The following RETREG1 variants were observed in gnomAD, a reference collection of about 807,000 sequenced individuals.
The protein encoded by RETREG1 is reticulophagy regulator 1, also known as family with sequence similarity 134 member B.
RETREG1 carries 44 observed loss-of-function variants against 54.8 expected under a neutral mutation model. That is an observed-to-expected ratio of 0.80 (90% CI 0.63 to 1.03). RETREG1 has a LOEUF of 1.03. RETREG1 is among the 50% of genes least tolerant of loss of function. The probability of loss-of-function intolerance (pLI) is 0.00; values close to 1 mark genes in which losing one functional copy is unlikely to be tolerated. For synonymous variants in RETREG1, 217 were observed against 238.5 expected (o/e 0.91, Z 0.83); for missense variants, 554 against 605.1 (o/e 0.92, Z 0.89).
intron 3 of RETREG1, among the ~76,000 whole-genome samples, chr5:16,520,172 G>A (rs1740485441): frequency 6.6e-6 from 1 of 152,208 alleles, no homozygotes; most frequent in Non-Finnish European, 1.5e-5. Flanking sequence ...TCATGATGGG[G>A]AGGGGGTGAG....
intron 3 of RETREG1, among the ~76,000 whole-genome samples, chr5:16,501,005 C>G (rs891911718): frequency 1.3e-5 from 2 of 152,054 alleles, no homozygotes; most frequent in Non-Finnish European, 2.9e-5. Context: ...GTCTGGCAAT[C>G]AGGATTTTCT....
At chr5:16,572,643 C>T (rs1282449680) in intron 1 of RETREG1, among the ~76,000 whole-genome samples, 3 of 152,208 alleles carry the variant, frequency 2.0e-5, no homozygotes, top group Non-Finnish European at 2.9e-5. Context: ...CCTCCAATTT[C>T]GGGCAGAGGA....
intron 3 of RETREG1, among the ~76,000 whole-genome samples, chr5:16,494,087 TC>T (rs1184431527): frequency 6.6e-6 from 1 of 152,192 alleles, no homozygotes; most frequent in African/African-American, 2.4e-5. Context: ...ACATAAATAA[TC>T]AGAGGCTTTT....
intron 3 of RETREG1, among the ~76,000 whole-genome samples, chr5:16,540,415 G>A (rs780137034): frequency 2.6e-5 from 4 of 152,152 alleles, no homozygotes; most frequent in Non-Finnish European, 5.9e-5. Flanking sequence ...ACAGGGCAGG[G>A]CTAAGTAACG....
intron 1 of RETREG1, 142 bp from the exon 2 acceptor site, chr5:16,572,244 G>A (rs555577263): frequency 5.3e-5 from 34 of 641,278 alleles, no homozygotes; most frequent in African/African-American, 3.6e-4. Flanking sequence ...ACAGAGTCTC[G>A]CTCTGTTGCC....
At chr5:16,504,503 T>C (rs1159407427) in intron 3 of RETREG1, among the ~76,000 whole-genome samples, 1 of 152,194 alleles carries the variant, frequency 6.6e-6, no homozygotes, top group African/African-American at 2.4e-5. Context: ...GCTGCCTACC[T>C]GGCCCAGTGA....
intron 3 of RETREG1, among the ~76,000 whole-genome samples, chr5:16,505,128 C>G (rs1030974227): frequency 6.6e-6 from 1 of 152,168 alleles, no homozygotes; most frequent in African/African-American, 2.4e-5. Context: ...TGTACGGCAG[C>G]CCTACCGCTC....
intron 3 of RETREG1, among the ~76,000 whole-genome samples, chr5:16,544,331 A>G (rs1489937555): frequency 1.3e-5 from 2 of 152,196 alleles, no homozygotes; most frequent in Non-Finnish European, 2.9e-5. Context: ...ATTTTATCAG[A>G]TATATGATTC....
intron 3 of RETREG1, among the ~76,000 whole-genome samples, chr5:16,496,214 G>A (rs1739451218): frequency 6.6e-6 from 1 of 152,082 alleles, no homozygotes; most frequent in South Asian, 2.1e-4. Flanking sequence ...TACAATATAG[G>A]TTTTCCTATC....
rs1052060807 is a variant in RETREG1, at chr5:16,561,552, T to C, written c.458+4211A>G. Among the ~76,000 whole-genome samples the C allele has an allele frequency of 6.6e-6, 1 of 152,000 alleles. No individual in the cohort carries two copies. The highest frequency in any genetic ancestry group is 1.5e-5 in the Non-Finnish European group (1 of 67,996). ...AAAATAAAATACAAATACAAATAAA[T>C]GGTATTTCCAGTAGCCTGCCTTCTC... On this transcript the variant is annotated intron_variant, in intron 3 of 8. Transcript: ENST00000306320. This position sits in a 1 kb window ranked among gnomAD's most constrained non-coding sequence, Gnocchi z 4.2.
At chr5:16,501,496 G>A (rs1210636364) in intron 3 of RETREG1, among the ~76,000 whole-genome samples, 2 of 152,160 alleles carry the variant, frequency 1.3e-5, no homozygotes. Context: ...CATTCTGTTA[G>A]GGAGAGAGTT....
Position 16,549,276 on chromosome 5 carries a change from G to A in RETREG1, c.458+16487C>T, listed in dbSNP as rs532569494. Among the ~76,000 whole-genome samples the A allele has an allele frequency of 2.3e-4, 35 of 152,240 alleles. No homozygotes were observed. The South Asian group carries it at 6.2e-3, about 27-fold the overall frequency. On this transcript the variant is annotated intron_variant, in intron 3 of 8. Coordinates refer to ENST00000306320, the MANE Select transcript of RETREG1 (RefSeq NM_001034850.3). ...TCATGCCTTCATCAAAGAACAAGAC[G>A]AATTTATAAGCAATGTGTAGCTAAC...
rs1258849354 is a variant in RETREG1, at chr5:16,585,485, C to T, written c.321-13383G>A. 6.6e-6 allele frequency among the ~76,000 whole-genome samples: 1 copy of T among 152,122 alleles called. No individual in the cohort carries two copies. The highest frequency in any genetic ancestry group is 1.5e-5 in the Non-Finnish European group (1 of 68,022). ...GGCAGTGCAATGTGCTCCTTAGCTC[C>T]ACCTAGTGTATAAATTGAATACCTG... On this transcript the variant is annotated intron_variant, in intron 1 of 8. Coordinates refer to ENST00000306320, the MANE Select transcript of RETREG1 (RefSeq NM_001034850.3). This position sits in a 1 kb window ranked among gnomAD's most constrained non-coding sequence, Gnocchi z 4.5.
intron 3 of RETREG1, 57 bp downstream of exon 3, chr5:16,565,706 C>T: frequency 6.4e-7 from 1 of 1,568,356 alleles, no homozygotes; most frequent in Non-Finnish European, 8.8e-7. Context: ...CTTGGTGGCT[C>T]AGTCCCCTCC....
At chr5:16,549,319 C>A (rs112541909) in intron 3 of RETREG1, among the ~76,000 whole-genome samples, 1 of 152,160 alleles carries the variant, frequency 6.6e-6, no homozygotes, top group African/African-American at 2.4e-5. Context: ...GTGCTCTACA[C>A]AGAGAGCACA....
At position 16,488,280 on chromosome 5, in the gene RETREG1, G is replaced by A. The variant is rs114463297; in HGVS notation, c.459-4808C>T. ...TGCAACAACGATTTTCAAAACTCTG[G>A]GCATTAGGCAAGGAAGGACAGTGAC... On this transcript the variant is annotated intron_variant, in intron 3 of 8. Coordinates refer to ENST00000306320, the MANE Select transcript of RETREG1 (RefSeq NM_001034850.3). 3.4e-3 allele frequency among the ~76,000 whole-genome samples: 516 copies of A among 152,256 alleles called. 2 individuals carry two copies. The highest frequency in any genetic ancestry group is 9.8e-3 in the Admixed American group (149 of 15,282).
In RETREG1 at chr5:16,607,455, A is replaced by T. The variant is rs974209013; in HGVS notation, c.320+9197T>A. Among the ~76,000 whole-genome samples the T allele has an allele frequency of 6.6e-5, 10 of 152,118 alleles. No individual in the cohort carries two copies. The East Asian group carries it at 1.9e-3, about 30-fold the overall frequency. On this transcript the variant is annotated intron_variant, in intron 1 of 8. Coordinates refer to ENST00000306320, the MANE Select transcript of RETREG1 (RefSeq NM_001034850.3). ...ATGGTAAAACCCTGTCTCTACTAAAAATACAAAAATTAGCTGGGTGTGGTG... is the reference window on the plus strand; with the variant it reads ...ATGGTAAAACCCTGTCTCTACTAAATATACAAAAATTAGCTGGGTGTGGTG...
chr5:16,573,703 T>G (rs1742246128), intron 1 of RETREG1, among the ~76,000 whole-genome samples: 1 of 149,828 alleles, frequency 6.7e-6, no homozygotes, highest in South Asian at 2.1e-4. Flanking sequence ...GGGAATGGTT[T>G]TTTTTTTTTA....
rs1194435995 is a variant in RETREG1 at position 16,528,697 on chromosome 5, T to C, written c.458+37066A>G. On this transcript the variant is annotated intron_variant, in intron 3 of 8. Transcript: ENST00000306320. ...CTTTGATCCACTCACGTGAACACTA[T>C]GCCTCCTTCAAAGCACCTGTCTGAA... Among the ~76,000 whole-genome samples the C allele has an allele frequency of 2.0e-5, 3 of 152,208 alleles. No individual in the cohort carries two copies. In the East Asian group the frequency reaches 5.8e-4, roughly 29 times the overall value.
Sources: gnomAD v4.1 joint callset for allele counts (sites outside exome capture counted in the v4.1 genomes callset) on GRCh38, gnomAD v4.1.1 for gene constraint, Gnocchi (gnomAD v3.1) non-coding constraint, MANE v1.5 for transcripts, NCBI Gene and HGNC (gene_info 2026-07-23, HGNC 2026-07-21) for gene names.